The following KMT2C variants were observed in gnomAD, a reference collection of about 807,000 sequenced individuals.
KMT2C encodes the protein lysine methyltransferase 2C.
In KMT2C, 88 loss-of-function variants were observed where a neutral mutation model predicts 507.9. The observed-to-expected ratio is 0.17, with a 90% CI of 0.15 to 0.21. The LOEUF is 0.21. Ranked by LOEUF, KMT2C falls within the 10% of genes least tolerant of loss-of-function variation. The pLI, the probability that KMT2C is intolerant of heterozygous loss-of-function variation, is 1.00. For missense variants in KMT2C, 4,954 were observed against 5,957.8 expected (o/e 0.83, Z 5.55); for synonymous variants, 2,049 against 2,080.8 (o/e 0.98, Z 0.42).
intron 14 of KMT2C, among the ~76,000 whole-genome samples, chr7:152,242,415 A>G (rs2095404516): frequency 6.6e-6 from 1 of 152,216 alleles, no homozygotes; most frequent in African/African-American, 2.4e-5. Context: ...TAAAAAATCT[A>G]TATAATGCCT....
At chr7:152,375,919 C>G (rs540516807) in intron 1 of KMT2C, among the ~76,000 whole-genome samples, 6 of 152,070 alleles carry the variant, frequency 3.9e-5, no homozygotes, top group Non-Finnish European at 7.4e-5. Context: ...CTCAACCTTC[C>G]GGACTCAAGT....
chr7:152,194,695 T>C, intron 28 of KMT2C, 127 bp from the exon 29 acceptor site: 1 of 606,260 alleles, frequency 1.6e-6, no homozygotes, highest in Non-Finnish European at 2.6e-6. Context: ...TCTGTAATTC[T>C]GAATCAGAAT....
Position 152,177,570 on chromosome 7 carries a change from A to G in KMT2C, c.7883T>C (p.Val2628Ala), listed in dbSNP as rs2129115020. ...ACCTTGCTCTTGTTGAGATGGTGGC[A>G]CTTGTTCCAAATCTGGGTGCACAGG... ...QLPVHPDLEQ[V>A]PPSQQEQGHS... Residue 2628 changes from valine (V) to alanine (A), a missense_variant, in exon 38 of 59, where the codon GTG becomes GCG. Physicochemically the swap from Val to Ala is moderately conservative, Grantham distance 64 (BLOSUM62 0). Around this residue, in one of 29 missense-constraint regions of KMT2C, gnomAD observed 1,689 missense variants for 1,654.3 expected, o/e 1.02. Coordinates refer to ENST00000262189, the MANE Select transcript of KMT2C (RefSeq NM_170606.3). 6.2e-7 allele frequency: 1 copy of G among 1,614,204 alleles called. No homozygotes were observed. The highest frequency in any genetic ancestry group is 8.5e-7 in the Non-Finnish European group (1 of 1,180,030).
intron 1 of KMT2C, among the ~76,000 whole-genome samples, chr7:152,359,469 A>C (rs2097178463): frequency 6.6e-6 from 1 of 152,162 alleles, no homozygotes; most frequent in South Asian, 2.1e-4. Context: ...GCAGTATTTT[A>C]AACTCTTTAA....
chr7:152,402,830 CCGAT>C, intron 1 of KMT2C: 1 of 155,562 alleles, frequency 6.4e-6, no homozygotes, highest in Admixed American at 6.5e-5. Context: ...CTGTCAGTTA[CCGAT>C]CAAATTCCTT....
rs747047595 is a variant in KMT2C, at chr7:152,136,933, G to A, written c.14644-9C>T. On this transcript the variant is annotated splice_polypyrimidine_tract_variant and intron_variant, in intron 58 of 58. Coordinates refer to ENST00000262189, the MANE Select transcript of KMT2C (RefSeq NM_170606.3). The stretch of plus-strand genomic sequence containing the variant: ...TTATAGTCATAGCAGAGCTGCCCAC[G>A]GCAAAGACACAGGGTAAGAAAGGAC... 3.2e-5 allele frequency: 52 copies of A among 1,605,152 alleles called. No homozygotes were observed. In the East Asian group the frequency reaches 3.8e-4, roughly 12 times the overall value.
intron 2 of KMT2C, among the ~76,000 whole-genome samples, chr7:152,340,208 G>A (rs552179491): frequency 2.8e-5 from 4 of 145,094 alleles, no homozygotes; most frequent in East Asian, 2.0e-4. Flanking sequence ...GGCTGGTCTC[G>A]AACTCCTGGG....
In KMT2C at chr7:152,181,357, G is replaced by C; in HGVS notation, c.6503C>G (p.Pro2168Arg). The change falls in exon 36 of 59, where the codon CCT becomes CGT. Residue 2168 changes from proline (P) to arginine (R), a missense_variant. Pro to Arg is a moderately radical substitution (Grantham distance 103). Around this residue, in one of 29 missense-constraint regions of KMT2C, gnomAD observed 1,689 missense variants for 1,654.3 expected, o/e 1.02. Coordinates refer to ENST00000262189, the MANE Select transcript of KMT2C (RefSeq NM_170606.3). Reference sequence around the variant, plus strand: ...CTGACTATATGGGTCAACAGTAGTAGGCCGGGGAGTTCCAGGAGGTTGAGA... The same window carrying C: ...CTGACTATATGGGTCAACAGTAGTACGCCGGGGAGTTCCAGGAGGTTGAGA... ...PYSQPPGTPR[P>R]TTVDPYSQQP... The C allele has an allele frequency of 6.2e-7, 1 of 1,614,076 alleles. No homozygotes were observed. The highest frequency in any genetic ancestry group is 8.5e-7 in the Non-Finnish European group (1 of 1,180,020).
chr7:152,283,793 TA>T (rs1191957024), intron 6 of KMT2C, among the ~76,000 whole-genome samples: 2 of 152,120 alleles, frequency 1.3e-5, no homozygotes, highest in Non-Finnish European at 2.9e-5. Flanking sequence ...ACTTACCAGG[TA>T]AAAACCACTA....
intron 19 of KMT2C, 21 bp downstream of exon 19, chr7:152,224,414 G>A (rs531127739): frequency 3.3e-5 from 52 of 1,597,922 alleles, no homozygotes; most frequent in Non-Finnish European, 3.8e-5. Context: ...AGACTAACAA[G>A]GCAAACAAAC....
intron 6 of KMT2C, among the ~76,000 whole-genome samples, chr7:152,299,827 A>G (rs1019378198): frequency 2.6e-5 from 4 of 151,988 alleles, no homozygotes; most frequent in Non-Finnish European, 4.4e-5. Context: ...CAGAGAAATA[A>G]AACTATCGCC....
intron 16 of KMT2C, among the ~76,000 whole-genome samples, chr7:152,235,207 G>GTATGTATATA (rs950086494): frequency 3.5e-5 from 5 of 142,504 alleles, no homozygotes; most frequent in African/African-American, 1.4e-4. Flanking sequence ...TTTCAAGGGT[G>GTATGTATATA]TATATATATA....
intron 34 of KMT2C, among the ~76,000 whole-genome samples, chr7:152,183,815 G>C (rs2093519277): frequency 6.6e-6 from 1 of 152,146 alleles, no homozygotes; most frequent in African/African-American, 2.4e-5. Context: ...AGAATCACTT[G>C]AACTCAGGAG....
intron 3 of KMT2C, among the ~76,000 whole-genome samples, chr7:152,318,626 C>CAAAAAAA (rs67446037): frequency 1.8e-5 from 1 of 54,394 alleles, no homozygotes; most frequent in Non-Finnish European, 3.9e-5. Flanking sequence ...GACTCCATCT[C>CAAAAAAA]AAAAAAAAAA....
At chr7:152,168,251 T>C (rs2092819185) in intron 41 of KMT2C, among the ~76,000 whole-genome samples, 1 of 152,150 alleles carries the variant, frequency 6.6e-6, no homozygotes, top group Admixed American at 6.5e-5. Context: ...GGACATTCGC[T>C]GAAAATAACA....
At chr7:152,359,316 A>T (rs943095032) in intron 1 of KMT2C, among the ~76,000 whole-genome samples, 2 of 151,672 alleles carry the variant, frequency 1.3e-5, no homozygotes, top group Admixed American at 1.3e-4. Flanking sequence ...TAATGCCTTT[A>T]AATTCTTTGA....
intron 1 of KMT2C, among the ~76,000 whole-genome samples, chr7:152,429,424 G>A (rs1486643169): frequency 6.6e-6 from 1 of 152,048 alleles, no homozygotes; most frequent in Non-Finnish European, 1.5e-5. Context: ...AAAGAGCTGT[G>A]TCATTTGTTT....
chr7:152,305,186 C>G (rs2096604706), intron 6 of KMT2C, among the ~76,000 whole-genome samples: 1 of 151,980 alleles, frequency 6.6e-6, no homozygotes, highest in Non-Finnish European at 1.5e-5. Flanking sequence ...CACTAGTATA[C>G]TAGTGAGAGG....
At position 152,151,657 on chromosome 7, in the gene KMT2C, G is replaced by T. The variant is rs2091630169; in HGVS notation, c.12527-76C>A. On this transcript the variant is annotated intron_variant, in intron 49 of 58. Coordinates refer to ENST00000262189, the MANE Select transcript of KMT2C (RefSeq NM_170606.3). ...GTGGCACATGGTGAAAAATTATGCA[G>T]TATCAACTCATTACAACATGGTTCA... is the stretch of plus-strand genomic sequence containing the variant. 5 of 1,188,884 alleles carry T rather than the reference G, an allele frequency of 4.2e-6. No homozygotes were observed. In the Admixed American group the frequency reaches 8.3e-5, roughly 20 times the overall value. 73.6% of individuals were successfully genotyped at this position (1,188,884 alleles called of 1,614,324 possible).
Sources: allele counts gnomAD v4.1 joint callset (sites outside exome capture counted in the v4.1 genomes callset), GRCh38; gene constraint gnomAD v4.1.1; regional missense constraint gnomAD v4.1.1; transcripts MANE v1.5; gene names NCBI Gene and HGNC (gene_info 2026-07-23, HGNC 2026-07-21).